AXDND1: variants seen among roughly 807,000 people sequenced by gnomAD.
AXDND1 encodes axonemal dynein light chain domain-containing protein 1.
In AXDND1, 110 loss-of-function variants were observed where a neutral mutation model predicts 137.5. The observed-to-expected ratio is 0.80, with a 90% CI of 0.69 to 0.94. The LOEUF (loss-of-function observed/expected upper bound fraction) is 0.94. Among genes scored for constraint, AXDND1 ranks in the 40% least tolerant of loss-of-function variants. The pLI is 0.00. For synonymous variants in AXDND1, 414 were observed against 399.7 expected (o/e 1.04, Z -0.43); for missense variants, 1,191 against 1,169.8 (o/e 1.02, Z -0.26).
Position 179,492,833 on chromosome 1 carries a change from C to A in AXDND1, c.2292-22C>A, listed in dbSNP as rs77020559. On this transcript the variant is annotated intron_variant, in intron 19 of 25. Transcript: ENST00000367618. Reference sequence around the variant, plus strand: ...GTGTGTATTTGCTCTTTTTCTTTTTCTTTTTTTCCCCCTTTTTGCAGTTGT... The same window carrying A: ...GTGTGTATTTGCTCTTTTTCTTTTTATTTTTTTCCCCCTTTTTGCAGTTGT... 5.8e-3 allele frequency: 8,872 copies of A among 1,529,998 alleles called. 449 individuals are homozygous for A. In the African/African-American group the frequency reaches 0.11, roughly 18 times the overall value. The allele number at this position is 1,529,998 out of a possible 1,614,324, so 94.8% of individuals were successfully genotyped here.
intron 25 of AXDND1, chr1:179,544,733 G>A (rs531882035): frequency 6.6e-6 from 1 of 151,776 alleles, no homozygotes; most frequent in Admixed American, 6.6e-5. Context: ...TGACGATGCT[G>A]TTAGGTTTCT....
chr1:179,456,773 A>T, intron 16 of AXDND1: 1 of 782,526 alleles, frequency 1.3e-6, no homozygotes, highest in Non-Finnish European at 2.3e-6. Flanking sequence ...GGCTGGATGA[A>T]GCCCTAGCCA....
At chr1:179,473,773 A>G (rs970381562) in intron 17 of AXDND1, among the ~76,000 whole-genome samples, 1 of 152,118 alleles carries the variant, frequency 6.6e-6, no homozygotes, top group African/African-American at 2.4e-5. Flanking sequence ...AGCATCTGGC[A>G]TTTCCCCTGC....
chr1:179,366,861 A>G (rs1667474726), intron 2 of AXDND1, among the ~76,000 whole-genome samples: 1 of 152,182 alleles, frequency 6.6e-6, no homozygotes, highest in South Asian at 2.1e-4. Flanking sequence ...AATTCAACCT[A>G]TTTTAAATAT....
At chr1:179,511,418 GTGTGTA>G (rs1208990630) in intron 21 of AXDND1, among the ~76,000 whole-genome samples, 18 of 150,700 alleles carry the variant, frequency 1.2e-4, no homozygotes, top group Admixed American at 4.0e-4. Flanking sequence ...GTGTGTGTGT[GTGTGTA>G]TATGTATATA....
At position 179,370,031 on chromosome 1, in the gene AXDND1, A is replaced by C; in HGVS notation, c.327A>C (p.Lys109Asn). ...GGCATCACCCTGTTCGAAGGAATAAATTCAAATACCTGATTGACCATCCCG... is the reference window on the plus strand; with the variant it reads ...GGCATCACCCTGTTCGAAGGAATAACTTCAAATACCTGATTGACCATCCCG... ...HVWHHPVRRN[K>N]FKYLIDHPVS... Residue 109 changes from lysine (K) to asparagine (N), a missense_variant, in exon 4 of 26, where the codon AAA becomes AAC. By Grantham distance (94) the Lys-to-Asn change is moderately conservative. Transcript: ENST00000367618. 2 of 1,614,118 alleles carry C rather than the reference A, an allele frequency of 1.2e-6. No homozygotes were observed. The highest frequency in any genetic ancestry group is 1.7e-6 in the Non-Finnish European group (2 of 1,179,992).
At chr1:179,388,854 C>G (rs1649644839) in intron 9 of AXDND1, among the ~76,000 whole-genome samples, 1 of 152,018 alleles carries the variant, frequency 6.6e-6, no homozygotes, top group African/African-American at 2.4e-5. Flanking sequence ...CCTCAGCCTC[C>G]CAGAGTGCTG....
rs972981501 is a variant in AXDND1, at chr1:179,527,876, G to A, written c.2611-451G>A. 3.3e-5 allele frequency among the ~76,000 whole-genome samples: 5 copies of A among 152,116 alleles called. 1 individual carries two copies. Among genetic ancestry groups the A allele is most frequent in the African/African-American group, 1.2e-4 (5 of 41,502 alleles). On this transcript the variant is annotated intron_variant, in intron 22 of 25. Transcript: ENST00000367618. ...ACTACTACCACCTGTAGACTTAGTT[G>A]AGCCCCTGTCCTCTCTATTTTACAA...
At chr1:179,447,905 T>C (rs752052416) in intron 16 of AXDND1, 4 of 1,365,870 alleles carry the variant, frequency 2.9e-6, no homozygotes, top group Non-Finnish European at 4.2e-6. Context: ...CTATGTAATA[T>C]GGTTTGAGGT....
chr1:179,374,043 C>T (rs1488890213), intron 4 of AXDND1, among the ~76,000 whole-genome samples: 1 of 152,072 alleles, frequency 6.6e-6, no homozygotes, highest in Non-Finnish European at 1.5e-5. Flanking sequence ...GAACAGGCAA[C>T]CTACAGAATG....
intron 25 of AXDND1, among the ~76,000 whole-genome samples, chr1:179,535,858 T>A (rs1025460038): frequency 5.3e-5 from 8 of 152,224 alleles, no homozygotes; most frequent in African/African-American, 1.9e-4. Context: ...AAAGTGTTCC[T>A]ATTTCTCCAC....
chr1:179,449,903 T>G (rs986125845), intron 16 of AXDND1: 1 of 151,882 alleles, frequency 6.6e-6, no homozygotes, highest in African/African-American at 2.4e-5. Flanking sequence ...TAGTTTCTGG[T>G]TTTTTAGTGG....
chr1:179,375,585 T>TGC (rs1668529387), intron 4 of AXDND1, among the ~76,000 whole-genome samples: 1 of 146,994 alleles, frequency 6.8e-6, no homozygotes, highest in African/African-American at 2.5e-5. Flanking sequence ...TATATGTACA[T>TGC]ATATGTATAT....
chr1:179,447,516 G>C (rs183992038), intron 16 of AXDND1: 1 of 576,630 alleles, frequency 1.7e-6, no homozygotes, highest in African/African-American at 1.9e-5. Flanking sequence ...TACAGTTGGC[G>C]CAGAAAATTC....
intron 11 of AXDND1, among the ~76,000 whole-genome samples, chr1:179,402,914 C>T (rs1652326664): frequency 6.6e-6 from 1 of 152,218 alleles, no homozygotes; most frequent in Non-Finnish European, 1.5e-5. Flanking sequence ...ATTCTCATTT[C>T]ACTTGCCTTA....
intron 14 of AXDND1, 130 bp from the exon 15 acceptor site, chr1:179,432,137 G>A: frequency 1.7e-6 from 2 of 1,189,854 alleles, no homozygotes; most frequent in Non-Finnish European, 2.3e-6. Context: ...GAGAGGGGCT[G>A]GACCTGGAAG....
In AXDND1 at chr1:179,523,103, G is replaced by A. The variant is rs937854143; in HGVS notation, c.2497-2231G>A. ...TTCTTCTCTTTTGGCTTTCCTCGTG[G>A]CCTCTCATACTTCAGAGGCTACTTC... On this transcript the variant is annotated intron_variant, in intron 21 of 25. Coordinates refer to ENST00000367618, the MANE Select transcript of AXDND1 (RefSeq NM_144696.6). 4.0e-5 allele frequency among the ~76,000 whole-genome samples: 6 copies of A among 151,814 alleles called. No individual in the cohort carries two copies. In the East Asian group the frequency reaches 9.7e-4, roughly 25 times the overall value.
intron 17 of AXDND1, among the ~76,000 whole-genome samples, chr1:179,475,956 G>T (rs1015753898): frequency 6.6e-6 from 1 of 152,168 alleles, no homozygotes; most frequent in Non-Finnish European, 1.5e-5. Context: ...ATGATAGTGA[G>T]TTCTTATGCA....
chr1:179,387,669 C>T (rs548143786), intron 9 of AXDND1, among the ~76,000 whole-genome samples: 11 of 152,112 alleles, frequency 7.2e-5, no homozygotes, highest in Non-Finnish European at 1.6e-4. Context: ...AAATTTGATC[C>T]TGTTAGGTCT....
Sources: allele counts gnomAD v4.1 joint callset (sites outside exome capture counted in the v4.1 genomes callset), GRCh38; gene constraint gnomAD v4.1.1; transcripts MANE v1.5; gene names NCBI Gene and HGNC (gene_info 2026-07-23, HGNC 2026-07-21).